The following TSPAN12 variants were observed in gnomAD, a reference collection of about 807,000 sequenced individuals.
TSPAN12 encodes the protein tetraspanin-12.
Under a neutral mutation model 39.2 loss-of-function variants are expected in TSPAN12, and 19 were observed. The observed-to-expected ratio is 0.49, with a 90% CI of 0.34 to 0.71. The LOEUF (loss-of-function observed/expected upper bound fraction) is 0.71. TSPAN12 is among the 30% of genes least tolerant of loss of function. The pLI is 0.01. For synonymous variants in TSPAN12, 119 were observed against 124.8 expected, an observed-to-expected ratio of 0.95 and a Z score of 0.31; for missense variants, 314 against 359.9, an observed-to-expected ratio of 0.87 and a Z score of 1.03.
At chr7:120,800,394 G>C (rs1793743813) in intron 7 of TSPAN12, among the ~76,000 whole-genome samples, 1 of 152,086 alleles carries the variant, frequency 6.6e-6, no homozygotes, top group Non-Finnish European at 1.5e-5. Context: ...AAGAATCTTG[G>C]TAAGCTGGTA....
In TSPAN12 at chr7:120,799,700, TTATTA is replaced by T. The variant is rs1420003096; in HGVS notation, c.612+6844_612+6848del. On this transcript the variant is annotated intron_variant, in intron 7 of 7. Coordinates refer to ENST00000222747, the MANE Select transcript of TSPAN12 (RefSeq NM_012338.4). ...AAATATATATAATTTAATTATATAA[TTATTA>T]TATTATATTAAATATTTATTATATT... 7.7e-3 allele frequency among the ~76,000 whole-genome samples: 952 copies of T among 123,354 alleles called. 15 individuals carry two copies. The highest frequency in any genetic ancestry group is 0.029 in the African/African-American group (892 of 30,528). 80.9% of individuals were successfully genotyped at this position (123,354 alleles called of 152,430 possible).
chr7:120,839,332 T>C (rs934980997), intron 3 of TSPAN12, among the ~76,000 whole-genome samples: 3 of 152,180 alleles, frequency 2.0e-5, no homozygotes, highest in African/African-American at 7.2e-5. Flanking sequence ...CCCTGACAAT[T>C]GATCCTCCCC....
At chr7:120,794,752 G>A (rs912643189) in intron 7 of TSPAN12, among the ~76,000 whole-genome samples, 1 of 143,010 alleles carries the variant, frequency 7.0e-6, no homozygotes, top group Admixed American at 7.3e-5. Context: ...ACTTTCCAAA[G>A]AATAGCTCTC....
rs141041568 is a variant in TSPAN12 at position 120,798,371 on chromosome 7, T to C, written c.612+8178A>G. Reference sequence around the variant, plus strand: ...CTTGCAGAGGAGATAATGAAGTCAGTAGAGAGACAGGAGGGAGCATCTTTG... The same window carrying C: ...CTTGCAGAGGAGATAATGAAGTCAGCAGAGAGACAGGAGGGAGCATCTTTG... On this transcript the variant is annotated intron_variant, in intron 7 of 7. Transcript: ENST00000222747. 3.6e-3 allele frequency among the ~76,000 whole-genome samples: 543 copies of C among 152,222 alleles called. 5 individuals are homozygous for C. Among genetic ancestry groups the C allele is most frequent in the African/African-American group, 0.012 (494 of 41,524 alleles).
chr7:120,819,673 G>A (rs767264975), intron 4 of TSPAN12, among the ~76,000 whole-genome samples: 2 of 152,016 alleles, frequency 1.3e-5, no homozygotes, highest in Admixed American at 6.6e-5. Context: ...TTTCTTTGTT[G>A]TTATTGCTGT....
At chr7:120,827,503 A>G (rs1188897444) in intron 4 of TSPAN12, among the ~76,000 whole-genome samples, 3 of 152,226 alleles carry the variant, frequency 2.0e-5, no homozygotes, top group African/African-American at 2.4e-5. Context: ...AAGAAAAATG[A>G]TGTATAAACA....
rs1419896620 is a variant in TSPAN12, at chr7:120,788,824, G to C, written c.686C>G (p.Ser229Cys). The C allele has an allele frequency of 6.2e-7, 1 of 1,614,120 alleles. No individual in the cohort carries two copies. Among genetic ancestry groups the C allele is most frequent in the South Asian group, 1.1e-5 (1 of 91,078 alleles). The change falls in exon 8 of 8, where the codon TCC becomes TGC. Residue 229 changes from serine (S) to cysteine (C), a missense_variant. By Grantham distance (112) the Ser-to-Cys change is moderately radical (BLOSUM62 -1). Transcript: ENST00000222747. ...QLQVLRFLGI[S>C]IGVTQILAMI... is the part of the protein sequence containing the mutation. ...GGCCAGGATTTGTGTCACCCCAATG[G>C]AGATTCCCAGAAACCTCAGCACCTG...
intron 2 of TSPAN12, among the ~76,000 whole-genome samples, chr7:120,854,372 GAAC>G (rs1794830255): frequency 6.6e-6 from 1 of 152,276 alleles, no homozygotes; most frequent in African/African-American, 2.4e-5. Flanking sequence ...TAATCTGCTA[GAAC>G]ATCATCATCA....
At chr7:120,842,856 T>G in intron 2 of TSPAN12, among the ~76,000 whole-genome samples, 1 of 151,894 alleles carries the variant, frequency 6.6e-6, no homozygotes, top group South Asian at 2.1e-4. Context: ...AATATTATAT[T>G]AATTATATTA....
intron 7 of TSPAN12, among the ~76,000 whole-genome samples, chr7:120,802,440 G>C (rs937307430): frequency 6.6e-6 from 1 of 152,048 alleles, no homozygotes; most frequent in African/African-American, 2.4e-5. Flanking sequence ...CACCAACAAA[G>C]CTCCAGCACA....
intron 4 of TSPAN12, among the ~76,000 whole-genome samples, chr7:120,836,490 G>C (rs1361641538): frequency 1.3e-5 from 2 of 152,192 alleles, no homozygotes; most frequent in Non-Finnish European, 2.9e-5. Context: ...GCAAAGTAGA[G>C]ATGGAAAAAA....
chr7:120,841,771 C>T (rs1210108210), intron 2 of TSPAN12, among the ~76,000 whole-genome samples: 1 of 151,776 alleles, frequency 6.6e-6, no homozygotes, highest in Non-Finnish European at 1.5e-5. Flanking sequence ...TAACCATGAC[C>T]GGTAGAAGTT....
chr7:120,845,113 A>G (rs1794647547), intron 2 of TSPAN12, among the ~76,000 whole-genome samples: 2 of 152,308 alleles, frequency 1.3e-5, no homozygotes, highest in South Asian at 4.1e-4. Context: ...CCTGAGATGT[A>G]CCTGGGCCCC....
chr7:120,788,433 C>G lies in TSPAN12; in HGVS notation c.*159G>C. ...CCAGGTGGTGACTTATGACATGAAACTTTTCCATCCTCATTTTAAAGCATA... is the reference window on the plus strand; with the variant it reads ...CCAGGTGGTGACTTATGACATGAAAGTTTTCCATCCTCATTTTAAAGCATA... On this transcript the variant is annotated 3_prime_UTR_variant, in exon 8 of 8. Transcript: ENST00000222747. 1.1e-6 allele frequency: 1 copy of G among 896,444 alleles called. No homozygotes were observed. The highest frequency in any genetic ancestry group is 1.7e-5 in the South Asian group (1 of 58,876). 55.5% of individuals were successfully genotyped at this position (896,444 alleles called of 1,614,324 possible). A position where few individuals can be genotyped will look rare whatever the true frequency, so the allele number is the denominator to read the frequency against.
At chr7:120,826,731 AT>A (rs759723240) in intron 4 of TSPAN12, among the ~76,000 whole-genome samples, 1 of 151,802 alleles carries the variant, frequency 6.6e-6, no homozygotes, top group Non-Finnish European at 1.5e-5. Context: ...TTTTTATTAA[AT>A]TTTTTTTGGA....
At position 120,799,640 on chromosome 7, in the gene TSPAN12, C is replaced by T. The variant is rs867306010; in HGVS notation, c.612+6909G>A. Among the ~76,000 whole-genome samples the T allele has an allele frequency of 9.5e-5, 8 of 84,082 alleles. No individual in the cohort carries two copies. The South Asian group carries it at 2.0e-3, about 21-fold the overall frequency. The allele number at this position is 84,082 out of a possible 152,430, so 55.2% of individuals were successfully genotyped here. Reference sequence around the variant, plus strand: ...TAATTAAATATAATTATTATATATACTTATATATAATTAAATATATAAAAA... The same window carrying T: ...TAATTAAATATAATTATTATATATATTTATATATAATTAAATATATAAAAA... On this transcript the variant is annotated intron_variant, in intron 7 of 7. Coordinates refer to ENST00000222747, the MANE Select transcript of TSPAN12 (RefSeq NM_012338.4).
At chr7:120,840,755 T>A (rs951613686) in intron 2 of TSPAN12, among the ~76,000 whole-genome samples, 1 of 152,234 alleles carries the variant, frequency 6.6e-6, no homozygotes, top group Non-Finnish European at 1.5e-5. Context: ...TATCCTACTT[T>A]TCCTGTACAA....
chr7:120,807,086 A>C (rs574846265), intron 6 of TSPAN12, among the ~76,000 whole-genome samples: 2 of 152,246 alleles, frequency 1.3e-5, no homozygotes, highest in South Asian at 4.1e-4. Flanking sequence ...TCTATTGCCC[A>C]ACATATTCAA....
chr7:120,789,206 T>C (rs1266186901), intron 7 of TSPAN12, among the ~76,000 whole-genome samples: 1 of 152,174 alleles, frequency 6.6e-6, no homozygotes, highest in African/African-American at 2.4e-5. Flanking sequence ...GTTTTCTTTT[T>C]TTAGAGAGAC....
Sources: allele counts gnomAD v4.1 joint callset (sites outside exome capture counted in the v4.1 genomes callset), GRCh38; gene constraint gnomAD v4.1.1; transcripts MANE v1.5; gene names NCBI Gene and HGNC (gene_info 2026-07-23, HGNC 2026-07-21).